LRRC75A: variants seen among roughly 807,000 people sequenced by gnomAD.
LRRC75A encodes leucine-rich repeat-containing protein 75A.
Under a neutral mutation model 26.0 loss-of-function variants are expected in LRRC75A, and 12 were observed. That is an observed-to-expected ratio of 0.46 (90% CI 0.30 to 0.75). The LOEUF (loss-of-function observed/expected upper bound fraction) is 0.75, where lower values mean the gene tolerates loss of function less well. LRRC75A is among the 30% of genes least tolerant of loss of function. The pLI is 0.08. For synonymous variants in LRRC75A, 223 were observed against 219.3 expected, an observed-to-expected ratio of 1.02 and a Z score of -0.15; for missense variants, 410 against 486.6, an observed-to-expected ratio of 0.84 and a Z score of 1.48.
At position 16,464,202 on chromosome 17, in the gene LRRC75A, T is replaced by G. The variant is rs115784816; in HGVS notation, c.247-1816A>C. On this transcript the variant is annotated intron_variant, in intron 1 of 3. Coordinates refer to ENST00000470794, the MANE Select transcript of LRRC75A (RefSeq NM_001113567.3). ...CTTGGAGGCGAACTGCCAGGTCCTG[T>G]GCCAGGCTCTCTGGCTGCTGAAAAA... is the stretch of plus-strand genomic sequence containing the variant. Among the ~76,000 whole-genome samples, 474 of 152,312 alleles carry G rather than the reference T, an allele frequency of 3.1e-3. 2 individuals are homozygous for G. Among genetic ancestry groups the G allele is most frequent in the African/African-American group, 0.011 (445 of 41,572 alleles).
intron 2 of LRRC75A, chr17:16,461,276 T>G (rs1417392145): frequency 3.3e-5 from 5 of 152,292 alleles, no homozygotes; most frequent in African/African-American, 7.2e-5. Context: ...ACTCCCGGCC[T>G]AGATCCTACA....
chr17:16,450,136 G>A (rs1198406666), intron 2 of LRRC75A, among the ~76,000 whole-genome samples: 2 of 152,192 alleles, frequency 1.3e-5, no homozygotes, highest in Non-Finnish European at 1.5e-5. Context: ...CAGACATCAC[G>A]CAAGAAGGTT....
At chr17:16,449,513 T>C (rs1262298827) in intron 2 of LRRC75A, among the ~76,000 whole-genome samples, 1 of 152,208 alleles carries the variant, frequency 6.6e-6, no homozygotes, top group African/African-American at 2.4e-5. Context: ...AGGCACACTC[T>C]AAGTGAATAC....
chr17:16,446,322 A>AG (rs984955196), intron 3 of LRRC75A, among the ~76,000 whole-genome samples: 1 of 152,214 alleles, frequency 6.6e-6, no homozygotes, highest in Admixed American at 6.5e-5. Flanking sequence ...TTCCTCTACT[A>AG]GGGGGAGACA....
At chr17:16,477,497 G>A (rs929120479) in intron 1 of LRRC75A, among the ~76,000 whole-genome samples, 2 of 152,244 alleles carry the variant, frequency 1.3e-5, no homozygotes, top group Non-Finnish European at 2.9e-5. Context: ...GCGGGATAGA[G>A]GAGGAGGGCC....
chr17:16,447,830 G>T lies in LRRC75A; in HGVS notation c.491+15C>A. Reference sequence around the variant, plus strand: ...CTCAGCCTGGCATAGACCTGCCCGGGGGAGTGTAACTCACCAGGCCTGTGG... The same window carrying T: ...CTCAGCCTGGCATAGACCTGCCCGGTGGAGTGTAACTCACCAGGCCTGTGG... On this transcript the variant is annotated intron_variant, in intron 3 of 3. Transcript: ENST00000470794. 6.6e-7 allele frequency: 1 copy of T among 1,520,682 alleles called. No individual in the cohort carries two copies. The highest frequency in any genetic ancestry group is 1.2e-5 in the South Asian group (1 of 81,180). 94.2% of individuals were successfully genotyped at this position (1,520,682 alleles called of 1,614,324 possible).
At position 16,443,874 on chromosome 17, in the gene LRRC75A, A is replaced by G. The variant is rs1261541552; in HGVS notation, c.749T>C (p.Leu250Pro). The stretch of plus-strand genomic sequence containing the variant: ...GCTGGGATCCTTAAGGATGTCAGTG[A>G]GGTCGCGCAGCACGGCCCGGGTCAA... ...NRLTRAVLRD[L>P]TDILKDPSKF... Residue 250 changes from leucine to proline, a missense_variant, in exon 4 of 4, where the codon CTC becomes CCC. Leu to Pro is a moderately conservative substitution (Grantham distance 98, BLOSUM62 -3). Coordinates refer to ENST00000470794, the MANE Select transcript of LRRC75A (RefSeq NM_001113567.3). The G allele has an allele frequency of 6.2e-7, 1 of 1,613,500 alleles. No individual in the cohort carries two copies. Among genetic ancestry groups the G allele is most frequent in the Non-Finnish European group, 8.5e-7 (1 of 1,179,474 alleles).
Position 16,462,112 on chromosome 17 carries a change from G to A in LRRC75A, c.375+146C>T, listed in dbSNP as rs2093731781. On this transcript the variant is annotated intron_variant, in intron 2 of 3. Coordinates refer to ENST00000470794, the MANE Select transcript of LRRC75A (RefSeq NM_001113567.3). This position sits in a 1 kb window ranked among gnomAD's most constrained non-coding sequence, Gnocchi z 4.6. ...TCTGTGCTAGTGGCACCAAGGGAGA[G>A]CACCTCAAGCTCTTGGTGCCTGGAG... 8.9e-6 allele frequency: 9 copies of A among 1,009,836 alleles called. No homozygotes were observed. The highest frequency in any genetic ancestry group is 6.5e-5 in the African/African-American group (4 of 61,302). The allele number at this position is 1,009,836 out of a possible 1,614,324, so 62.6% of individuals were successfully genotyped here.
intron 2 of LRRC75A, among the ~76,000 whole-genome samples, chr17:16,449,340 G>T (rs1284230190): frequency 1.3e-5 from 2 of 152,216 alleles, no homozygotes; most frequent in Non-Finnish European, 2.9e-5. Context: ...TCCTGGCTTT[G>T]TCCCGTTCTG....
chr17:16,450,630 C>T (rs1386571665), intron 2 of LRRC75A, among the ~76,000 whole-genome samples: 1 of 152,194 alleles, frequency 6.6e-6, no homozygotes, highest in African/African-American at 2.4e-5. Context: ...TCTTTTGGTT[C>T]CTAGACTTAG....
At chr17:16,488,891 C>T (rs1776550365) in intron 1 of LRRC75A, among the ~76,000 whole-genome samples, 1 of 152,102 alleles carries the variant, frequency 6.6e-6, no homozygotes, top group African/African-American at 2.4e-5. Context: ...CAGCCACAAT[C>T]CTTCAGCCCA....
chr17:16,473,157 G>A lies in LRRC75A; in HGVS notation c.247-10771C>T, dbSNP rs140628461. Among the ~76,000 whole-genome samples, 9 of 151,992 alleles carry A rather than the reference G, an allele frequency of 5.9e-5. No homozygotes were observed. In the East Asian group the frequency reaches 7.7e-4, roughly 13 times the overall value. ...TGTGTGTGTGTGTGTGTGTGCGCGCGCGCCCCAAGAATAACTAATGACAGA... is the reference window on the plus strand; with the variant it reads ...TGTGTGTGTGTGTGTGTGTGCGCGCACGCCCCAAGAATAACTAATGACAGA... On this transcript the variant is annotated intron_variant, in intron 1 of 3. Coordinates refer to ENST00000470794, the MANE Select transcript of LRRC75A (RefSeq NM_001113567.3).
chr17:16,468,965 C>A (rs1486513453), intron 1 of LRRC75A, among the ~76,000 whole-genome samples: 2 of 152,194 alleles, frequency 1.3e-5, no homozygotes, highest in Non-Finnish European at 2.9e-5. Context: ...TCTTTTTCTA[C>A]CCCTGACACT....
chr17:16,472,692 C>T (rs1466082530), intron 1 of LRRC75A, among the ~76,000 whole-genome samples: 9 of 152,186 alleles, frequency 5.9e-5, no homozygotes, highest in Non-Finnish European at 8.8e-5. Flanking sequence ...ACAGATTGGC[C>T]TTCCAATCCC....
intron 3 of LRRC75A, among the ~76,000 whole-genome samples, chr17:16,446,237 A>G (rs1278306966): frequency 6.6e-6 from 1 of 152,142 alleles, no homozygotes; most frequent in Non-Finnish European, 1.5e-5. Flanking sequence ...ACATTTGTTA[A>G]ACTCATCTGT....
chr17:16,464,804 C>A (rs909939517), intron 1 of LRRC75A, among the ~76,000 whole-genome samples: 2 of 146,820 alleles, frequency 1.4e-5, no homozygotes, highest in Non-Finnish European at 3.0e-5. Flanking sequence ...AACTATCACC[C>A]ACTAATGTGC....
chr17:16,443,809 CGTT>C lies in LRRC75A; in HGVS notation c.811_813del (p.Asn271del). ...GGCTGGGGCAAGGAGAAGATGTCCA[CGTT>C]GTTGCCCAGGTCAATCCACGTGACA... is the stretch of plus-strand genomic sequence containing the variant. On this transcript the variant is annotated inframe_deletion, in exon 4 of 4. Coordinates refer to ENST00000470794, the MANE Select transcript of LRRC75A (RefSeq NM_001113567.3). The C allele has an allele frequency of 6.2e-7, 1 of 1,613,892 alleles. No homozygotes were observed. Among genetic ancestry groups the C allele is most frequent in the Non-Finnish European group, 8.5e-7 (1 of 1,179,764 alleles).
rs572491761 is a variant in LRRC75A, at chr17:16,443,591, C to G, written c.1032G>C (p.Thr344=). 3.4e-5 allele frequency: 51 copies of G among 1,520,532 alleles called. No individual in the cohort carries two copies. Among genetic ancestry groups the G allele is most frequent in the Non-Finnish European group, 4.4e-5 (50 of 1,125,636 alleles). 94.2% of individuals were successfully genotyped at this position (1,520,532 alleles called of 1,614,324 possible). The part of the protein sequence containing the change: ...EGKETVAAAQ[T] ...GGTGAGGCCCTTCACTTCCATGTCA[C>G]GTCTGAGCTGCAGCTACAGTCTCCT... Residue 344 remains threonine (T), a synonymous_variant, in exon 4 of 4, where the codon ACG becomes ACC. Transcript: ENST00000470794.
chr17:16,477,034 G>A (rs894447833), intron 1 of LRRC75A, among the ~76,000 whole-genome samples: 18 of 151,050 alleles, frequency 1.2e-4, no homozygotes, highest in Admixed American at 3.3e-4. Flanking sequence ...CACTGCGCCC[G>A]GCCATGCCTG....
Sources: gnomAD v4.1 joint callset for allele counts (sites outside exome capture counted in the v4.1 genomes callset) on GRCh38, gnomAD v4.1.1 for gene constraint, Gnocchi (gnomAD v3.1) non-coding constraint, MANE v1.5 for transcripts, NCBI Gene and HGNC (gene_info 2026-07-23, HGNC 2026-07-21) for gene names.